TNRC6C: variants seen among roughly 807,000 people sequenced by gnomAD.
The protein encoded by TNRC6C is trinucleotide repeat containing adaptor 6C, also known as trinucleotide repeat-containing gene 6C protein.
In TNRC6C, 20 loss-of-function variants were observed where a neutral mutation model predicts 153.7. That is an observed-to-expected ratio of 0.13 (90% confidence interval 0.09 to 0.19). The LOEUF (loss-of-function observed/expected upper bound fraction) is 0.19, where lower values mean the gene tolerates loss of function less well. TNRC6C is among the 10% of genes least tolerant of loss of function. The pLI is 1.00. For missense variants in TNRC6C, 1,987 were observed against 2,172.0 expected, an observed-to-expected ratio of 0.91 and a Z score of 1.69; for synonymous variants, 811 against 841.4, an observed-to-expected ratio of 0.96 and a Z score of 0.63.
chr17:78,000,416 A>G (rs912020573), upstream of TNRC6C, among the ~76,000 whole-genome samples: 1 of 152,178 alleles, frequency 6.6e-6, no homozygotes, highest in African/African-American at 2.4e-5. Flanking sequence ...AGTCAAATAC[A>G]TGTTGAATAA....
chr17:78,011,294 T>C (rs962753328), intron 1 of TNRC6C, among the ~76,000 whole-genome samples: 1 of 152,236 alleles, frequency 6.6e-6, no homozygotes, highest in Non-Finnish European at 1.5e-5. Flanking sequence ...ACACCCATCA[T>C]CCCTGAAGGT....
At chr17:78,000,618 G>GGGGC, upstream of TNRC6C, among the ~76,000 whole-genome samples, 1 of 13,046 alleles carries the variant, frequency 7.7e-5, no homozygotes, top group Non-Finnish European at 1.3e-4. Flanking sequence ...TTCTCCCTCC[G>GGGGC]CCCCCCCCCC....
chr17:78,071,004 A>G (rs895751752), intron 5 of TNRC6C, 81 bp from the exon 8 acceptor site: 38 of 1,365,198 alleles, frequency 2.8e-5, no homozygotes, highest in Non-Finnish European at 3.8e-5. Flanking sequence ...ATGACCCTGA[A>G]TTTAGGCTGT....
chr17:77,984,254 C>T (rs1427178613), intron 1 of TNRC6C, among the ~76,000 whole-genome samples: 1 of 151,872 alleles, frequency 6.6e-6, no homozygotes, highest in East Asian at 1.9e-4. Flanking sequence ...GGCACGGTGG[C>T]TCACGCCTGT....
At chr17:77,977,494 AC>A (rs2071017565) in intron 1 of TNRC6C, among the ~76,000 whole-genome samples, 1 of 152,236 alleles carries the variant, frequency 6.6e-6, no homozygotes, top group East Asian at 1.9e-4. Context: ...ATGTTGCAAA[AC>A]AAAAAGACAA....
At chr17:78,027,557 T>G (rs1319214095) in intron 1 of TNRC6C, among the ~76,000 whole-genome samples, 2 of 152,202 alleles carry the variant, frequency 1.3e-5, no homozygotes, top group Non-Finnish European at 2.9e-5. Context: ...TCTTATGTTT[T>G]GGGCCTTCAT....
intron 1 of TNRC6C, among the ~76,000 whole-genome samples, chr17:77,972,934 T>C (rs1243716146): frequency 1.3e-5 from 2 of 152,206 alleles, no homozygotes; most frequent in Non-Finnish European, 2.9e-5. Flanking sequence ...AGACAGAGTC[T>C]CGCAACTCTC....
chr17:78,002,510 G>A (rs577884043), upstream of TNRC6C, among the ~76,000 whole-genome samples: 3 of 152,292 alleles, frequency 2.0e-5, no homozygotes, highest in Non-Finnish European at 2.9e-5. Context: ...TTGTAATAGC[G>A]ATAATTTGTT....
intron 1 of TNRC6C, among the ~76,000 whole-genome samples, chr17:78,023,272 T>C (rs549192614): frequency 1.3e-5 from 2 of 152,364 alleles, no homozygotes; most frequent in African/African-American, 4.8e-5. Flanking sequence ...CCCTCTTGGA[T>C]ACTGAAGGAT....
chr17:78,029,088 T>A lies in TNRC6C; in HGVS notation c.-545-2428T>A, dbSNP rs77591363. Among the ~76,000 whole-genome samples the A allele has an allele frequency of 3.4e-3, 514 of 152,364 alleles. 2 individuals carry two copies. Among genetic ancestry groups the A allele is most frequent in the African/African-American group, 0.012 (495 of 41,592 alleles). ...TCTTTGTTTATGCAACTTACTCTAA[T>A]ATGATTTTAGACCTTCACTTAATGC... On this transcript the variant is annotated intron_variant, in intron 1 of 19. Coordinates refer to ENST00000301624, the Ensembl canonical transcript of TNRC6C.
chr17:78,033,607 T>G (rs1464763154), intron 2 of TNRC6C, among the ~76,000 whole-genome samples: 1 of 151,484 alleles, frequency 6.6e-6, no homozygotes, highest in Non-Finnish European at 1.5e-5. Context: ...ACGTGGAGGT[T>G]GCGGCGAGCC....
chr17:78,057,645 C>G (rs1212215010), intron 3 of TNRC6C, among the ~76,000 whole-genome samples: 4 of 152,184 alleles, frequency 2.6e-5, no homozygotes, highest in Non-Finnish European at 1.5e-5. Flanking sequence ...GTGACTACTT[C>G]ATGAAGTTTC....
chr17:78,039,073 C>T (rs1020308927), intron 2 of TNRC6C, among the ~76,000 whole-genome samples: 1 of 152,220 alleles, frequency 6.6e-6, no homozygotes, highest in Admixed American at 6.5e-5. Flanking sequence ...TGCATTTGTC[C>T]TCTGCCCAGT....
Position 78,104,795 on chromosome 17 carries a change from C to G in TNRC6C, c.5023C>G (p.Pro1675Ala). ...CAGCAGGGTGATAGGCAGCCCCACG[C>G]CGCTAACCACCCTGCTGCCTGGGGA... The change falls in exon 20 of 20, where the codon CCG (proline) becomes GCG (alanine). Residue 1675 changes from proline (P) to alanine (A), a missense_variant. Pro to Ala is a conservative substitution (Grantham distance 27). Transcript: ENST00000301624. This position sits in a 1 kb window ranked among gnomAD's most constrained non-coding sequence, Gnocchi z 6.2. The G allele has an allele frequency of 6.9e-7, 1 of 1,442,666 alleles. No individual in the cohort carries two copies. Among genetic ancestry groups the G allele is most frequent in the Non-Finnish European group, 9.1e-7 (1 of 1,097,726 alleles). 89.4% of individuals were successfully genotyped at this position (1,442,666 alleles called of 1,614,324 possible). A position where few individuals can be genotyped will look rare whatever the true frequency, so the allele number is the denominator to read the frequency against.
upstream of TNRC6C, among the ~76,000 whole-genome samples, chr17:78,000,618 G>GCC (rs35005797): frequency 7.4e-3 from 96 of 13,026 alleles, 7 homozygotes; most frequent in South Asian, 0.018. Flanking sequence ...TTCTCCCTCC[G>GCC]CCCCCCCCCC....
intron 1 of TNRC6C, among the ~76,000 whole-genome samples, chr17:78,021,485 CT>C (rs1328767510): frequency 6.6e-6 from 1 of 152,212 alleles, no homozygotes; most frequent in Non-Finnish European, 1.5e-5. Flanking sequence ...CCTGTTTCTT[CT>C]TGATAAATAG....
intron 1 of TNRC6C, among the ~76,000 whole-genome samples, chr17:77,979,426 A>G (rs1327107981): frequency 6.6e-6 from 1 of 152,240 alleles, no homozygotes; most frequent in East Asian, 1.9e-4. Context: ...TTAAAAGTGC[A>G]GCAACTCAAA....
chr17:77,982,380 C>A (rs531577091), intron 1 of TNRC6C, among the ~76,000 whole-genome samples: 2 of 151,786 alleles, frequency 1.3e-5, no homozygotes, highest in Non-Finnish European at 2.9e-5. Flanking sequence ...GGACATAATT[C>A]TTTCATAGAA....
intron 17 of TNRC6C, among the ~76,000 whole-genome samples, chr17:78,101,843 T>C (rs1269761545): frequency 6.6e-6 from 1 of 152,016 alleles, no homozygotes; most frequent in African/African-American, 2.4e-5. Context: ...TTGCCCTCAT[T>C]CCGGTACACC....
Sources: gnomAD v4.1 joint callset for allele counts (sites outside exome capture counted in the v4.1 genomes callset) on GRCh38, gnomAD v4.1.1 for gene constraint, Gnocchi (gnomAD v3.1) non-coding constraint, MANE v1.5 for transcripts, NCBI Gene and HGNC (gene_info 2026-07-23, HGNC 2026-07-21) for gene names.